Variants in HS6ST2 observed in about 807,000 individuals in gnomAD.
The protein encoded by HS6ST2 is heparan sulfate 6-O-sulfotransferase 2, also known as heparan-sulfate 6-O-sulfotransferase 2.
HS6ST2 carries 17 observed loss-of-function variants against 33.0 expected under a neutral mutation model. That is an observed-to-expected ratio of 0.52 (90% CI 0.35 to 0.77). The LOEUF is 0.77. HS6ST2 is among the 30% of genes least tolerant of loss of function. HS6ST2 has a pLI of 0.01. For missense variants in HS6ST2, 519 were observed against 551.7 expected (o/e 0.94, Z 0.59); for synonymous variants, 248 against 237.1 (o/e 1.05, Z -0.42).
intron 2 of HS6ST2, among the ~76,000 whole-genome samples, chrX:132,832,110 T>C (rs1355973345): frequency 9.0e-6 from 1 of 111,589 alleles, no homozygotes; most frequent in East Asian, 2.8e-4. Context: ...ATAGATTGTA[T>C]GACGTTCACT....
chrX:132,839,028 T>C (rs1602734736), intron 2 of HS6ST2, among the ~76,000 whole-genome samples: 1 of 97,707 alleles, frequency 1.0e-5, no homozygotes, highest in African/African-American at 3.8e-5. Flanking sequence ...ACACTGTTGG[T>C]GGGAATGCAA....
At chrX:132,926,124 C>A (rs1170298798) in intron 2 of HS6ST2, among the ~76,000 whole-genome samples, 1 of 112,682 alleles carries the variant, frequency 8.9e-6, no homozygotes, top group Non-Finnish European at 1.9e-5. Context: ...AAATTTTTTA[C>A]TCTAAAATTG....
At chrX:132,770,750 T>C (rs1348874444) in intron 2 of HS6ST2, among the ~76,000 whole-genome samples, 2 of 111,424 alleles carry the variant, frequency 1.8e-5, no homozygotes, top group Non-Finnish European at 3.8e-5. Flanking sequence ...TTGAGAAATA[T>C]TCACCTACTG....
intron 2 of HS6ST2, among the ~76,000 whole-genome samples, chrX:132,768,864 C>T (rs759581888): frequency 5.3e-5 from 6 of 112,651 alleles, no homozygotes; most frequent in South Asian, 3.7e-4. Context: ...CTCCTTTTCA[C>T]GTTTCATCAA....
At position 132,847,115 on chromosome X, in the gene HS6ST2, T is replaced by C. The variant is rs774642559; in HGVS notation, c.947+109693A>G. On this transcript the variant is annotated intron_variant, in intron 2 of 4. Coordinates refer to ENST00000370833, the MANE Select transcript of HS6ST2 (RefSeq NM_001394073.1). ...CTTGAAACACTACAGCTGTATGATT[T>C]CTAACCAGATGAAATTAAATAGGAA... Among the ~76,000 whole-genome samples, 5 of 111,586 alleles carry C rather than the reference T, an allele frequency of 4.5e-5. No homozygotes were observed. The South Asian group carries it at 1.9e-3, about 43-fold the overall frequency.
chrX:132,756,497 C>T (rs1383569180), intron 2 of HS6ST2, among the ~76,000 whole-genome samples: 1 of 110,525 alleles, frequency 9.0e-6, no homozygotes, highest in Admixed American at 9.7e-5. Flanking sequence ...CCTCTCCCAC[C>T]TCCTTTCCCC....
At chrX:132,702,999 A>G (rs2064157597) in intron 3 of HS6ST2, among the ~76,000 whole-genome samples, 1 of 112,344 alleles carries the variant, frequency 8.9e-6, no homozygotes, top group Non-Finnish European at 1.9e-5. Context: ...GAGACTCTAA[A>G]TTCAAGGATG....
chrX:132,761,491 T>G (rs1318536074), intron 2 of HS6ST2, among the ~76,000 whole-genome samples: 4 of 111,697 alleles, frequency 3.6e-5, no homozygotes, highest in Admixed American at 9.5e-5. Flanking sequence ...CACGAAGGCC[T>G]TTGACCCTGA....
At chrX:132,784,820 A>G (rs760440632) in intron 2 of HS6ST2, among the ~76,000 whole-genome samples, 1 of 111,994 alleles carries the variant, frequency 8.9e-6, no homozygotes, top group African/African-American at 3.2e-5. Context: ...CAGATTGTCA[A>G]ATGAGGTCCT....
chrX:132,896,134 A>T (rs2066372909), intron 2 of HS6ST2, among the ~76,000 whole-genome samples: 2 of 110,360 alleles, frequency 1.8e-5, no homozygotes, highest in Admixed American at 9.8e-5. Context: ...GAAGTGGGGG[A>T]CTGGGGATGG....
chrX:132,746,582 C>T (rs2064647222), intron 2 of HS6ST2, among the ~76,000 whole-genome samples: 1 of 112,314 alleles, frequency 8.9e-6, no homozygotes, highest in African/African-American at 3.2e-5. Flanking sequence ...TGACCTGAAG[C>T]TCTGGCCTCC....
chrX:132,704,285 T>C (rs954734527), intron 3 of HS6ST2, among the ~76,000 whole-genome samples: 1 of 112,549 alleles, frequency 8.9e-6, no homozygotes, highest in Non-Finnish European at 1.9e-5. Flanking sequence ...CCAGGCATGG[T>C]GGCTCACGCC....
At chrX:132,766,940 G>T (rs1323052299) in intron 2 of HS6ST2, among the ~76,000 whole-genome samples, 1 of 111,813 alleles carries the variant, frequency 8.9e-6, no homozygotes, top group Non-Finnish European at 1.9e-5. Context: ...GCTCTGCGAG[G>T]TTGAGTAACT....
At chrX:132,935,812 G>A (rs2066817126) in intron 2 of HS6ST2, among the ~76,000 whole-genome samples, 1 of 110,107 alleles carries the variant, frequency 9.1e-6, no homozygotes, top group Admixed American at 9.8e-5. Flanking sequence ...AAACCTATGG[G>A]ATGAAACAAA....
intron 2 of HS6ST2, among the ~76,000 whole-genome samples, chrX:132,746,424 A>G (rs967204253): frequency 9.0e-6 from 1 of 111,146 alleles, no homozygotes; most frequent in African/African-American, 3.3e-5. Context: ...AATGGCGTGA[A>G]CCCAGGAGGC....
rs1051131366 is a variant in HS6ST2 at position 132,943,518 on chromosome X, C to T, written c.947+13290G>A. Among the ~76,000 whole-genome samples the T allele has an allele frequency of 7.2e-5, 8 of 111,299 alleles. No individual in the cohort carries two copies. The South Asian group carries it at 1.1e-3, about 16-fold the overall frequency. ...TCCCTAACTCATTTTATGAGGCCAG[C>T]ATCATCCTGATACCAAAGCCTGGCA... On this transcript the variant is annotated intron_variant, in intron 2 of 4. Coordinates refer to ENST00000370833, the MANE Select transcript of HS6ST2 (RefSeq NM_001394073.1).
chrX:132,769,930 T>TG (rs1363115307), intron 2 of HS6ST2, among the ~76,000 whole-genome samples: 2 of 112,190 alleles, frequency 1.8e-5, no homozygotes, highest in African/African-American at 6.5e-5. Context: ...CATTTATGTT[T>TG]GGTACAACTC....
intron 2 of HS6ST2, among the ~76,000 whole-genome samples, chrX:132,731,256 C>A (rs1039075515): frequency 2.9e-4 from 32 of 111,695 alleles, no homozygotes; most frequent in African/African-American, 9.8e-4. Flanking sequence ...AGGGAGCATT[C>A]AGAAATAACG....
At chrX:132,926,637 G>C (rs1433011263) in intron 2 of HS6ST2, among the ~76,000 whole-genome samples, 1 of 112,404 alleles carries the variant, frequency 8.9e-6, no homozygotes, top group Non-Finnish European at 1.9e-5. Flanking sequence ...AAAACTCCCA[G>C]TCTGGCTGAG....
Sources: gnomAD v4.1 joint callset for allele counts (sites outside exome capture counted in the v4.1 genomes callset) on GRCh38, gnomAD v4.1.1 for gene constraint, MANE v1.5 for transcripts, NCBI Gene and HGNC (gene_info 2026-07-23, HGNC 2026-07-21) for gene names.